The following SLC25A26 variants were observed in gnomAD, a reference collection of about 807,000 sequenced individuals.
The protein encoded by SLC25A26 is solute carrier family 25 member 26.
In SLC25A26, 36 loss-of-function variants were observed where a neutral mutation model predicts 37.8. The ratio of observed to expected loss-of-function variants is 0.95; its 90% CI spans 0.73 to 1.26. The LOEUF is 1.26. SLC25A26 is among the 50% of genes most tolerant of loss of function. SLC25A26 has a pLI of 0.00. For synonymous variants in SLC25A26, 129 were observed against 122.5 expected, an observed-to-expected ratio of 1.05 and a Z score of -0.35; for missense variants, 390 against 331.1, an observed-to-expected ratio of 1.18 and a Z score of -1.38.
At chr3:66,282,112 C>A (rs991864470) in intron 5 of SLC25A26, among the ~76,000 whole-genome samples, 1 of 149,164 alleles carries the variant, frequency 6.7e-6, no homozygotes, top group Non-Finnish European at 1.5e-5. Context: ...CCCAGGTTCA[C>A]GCCATTCTCC....
At chr3:66,355,761 C>G (rs1180722381) in intron 6 of SLC25A26, among the ~76,000 whole-genome samples, 11 of 152,208 alleles carry the variant, frequency 7.2e-5, no homozygotes, top group Admixed American at 7.2e-4. Context: ...GCTTGATCAA[C>G]TACAGTATGG....
At chr3:66,178,395 G>A (rs769218489) in intron 1 of SLC25A26, among the ~76,000 whole-genome samples, 79 of 152,292 alleles carry the variant, frequency 5.2e-4, no homozygotes, top group Non-Finnish European at 1.0e-3. Flanking sequence ...GCAGATGAAG[G>A]TTCCATCCCC....
intron 1 of SLC25A26, among the ~76,000 whole-genome samples, chr3:66,202,036 A>G (rs897306900): frequency 9.9e-5 from 15 of 152,230 alleles, no homozygotes; most frequent in Non-Finnish European, 1.9e-4. Flanking sequence ...AGGATTATAA[A>G]TCATTCTACT....
intron 6 of SLC25A26, among the ~76,000 whole-genome samples, chr3:66,351,450 G>A (rs1197649194): frequency 6.6e-6 from 1 of 152,182 alleles, no homozygotes; most frequent in African/African-American, 2.4e-5. Flanking sequence ...CCAACAAGAA[G>A]AGAAGCATGA....
At chr3:66,206,235 G>A (rs926504022) in intron 1 of SLC25A26, among the ~76,000 whole-genome samples, 1 of 152,136 alleles carries the variant, frequency 6.6e-6, no homozygotes, top group Non-Finnish European at 1.5e-5. Context: ...GTCAATGCAG[G>A]CGAGCCAAGC....
At chr3:66,351,299 T>TA (rs2076447811) in intron 6 of SLC25A26, among the ~76,000 whole-genome samples, 1 of 152,190 alleles carries the variant, frequency 6.6e-6, no homozygotes, top group Admixed American at 6.5e-5. Context: ...TACATATGCT[T>TA]ACAAAAGTAT....
At chr3:66,141,242 A>G (rs922420688) in intron 1 of SLC25A26, among the ~76,000 whole-genome samples, 6 of 151,228 alleles carry the variant, frequency 4.0e-5, no homozygotes, top group African/African-American at 1.5e-4. Context: ...AATTACATGT[A>G]CATCTTCAAT....
chr3:66,369,504 C>T lies in SLC25A26; in HGVS notation c.595C>T (p.Pro199Ser). The T allele has an allele frequency of 6.2e-7, 1 of 1,605,266 alleles. No individual in the cohort carries two copies. Among genetic ancestry groups the T allele is most frequent in the Non-Finnish European group, 8.5e-7 (1 of 1,176,018 alleles). The change falls in exon 8 of 10, where the codon CCT becomes TCT. Residue 199 changes from proline (P) to serine (S), a missense_variant. Pro to Ser is a moderately conservative substitution (Grantham distance 74). Coordinates refer to ENST00000354883, the MANE Select transcript of SLC25A26 (RefSeq NM_001379210.1). ...AGGFAAAVTT[P>S]LDVAKTRITL... ...TGGATTTGCCGCTGCAGTCACCACC[C>T]CTCTAGACGTGGCAAAGACAAGAAT...
At chr3:66,263,438 A>G in intron 5 of SLC25A26, 59 bp downstream of exon 5, 1 of 1,028,394 alleles carries the variant, frequency 9.7e-7, no homozygotes, top group Admixed American at 2.0e-5. Context: ...TGTTCAGTAA[A>G]TTTATACTAC....
chr3:66,294,271 G>C (rs1399590240), intron 5 of SLC25A26, among the ~76,000 whole-genome samples: 1 of 151,982 alleles, frequency 6.6e-6, no homozygotes, highest in Non-Finnish European at 1.5e-5. Flanking sequence ...TAGGTATTTT[G>C]TTCTTTTTGT....
chr3:66,300,138 T>A (rs2075029711), intron 5 of SLC25A26, among the ~76,000 whole-genome samples: 1 of 152,154 alleles, frequency 6.6e-6, no homozygotes, highest in African/African-American at 2.4e-5. Context: ...TTTTCATCCA[T>A]TCATGCTGAT....
intron 1 of SLC25A26, among the ~76,000 whole-genome samples, chr3:66,138,939 C>CTTTTTT (rs2069992015): frequency 6.6e-6 from 1 of 152,084 alleles, no homozygotes; most frequent in Non-Finnish European, 1.5e-5. Flanking sequence ...TTTTGAGATT[C>CTTTTTT]TTTTTTATAA....
chr3:66,250,404 C>G (rs187063994), intron 3 of SLC25A26, among the ~76,000 whole-genome samples: 1 of 152,172 alleles, frequency 6.6e-6, no homozygotes, highest in Non-Finnish European at 1.5e-5. Context: ...CCGTGACTTA[C>G]GATGGTTCTA....
exon 1 of SLC25A26, chr3:66,133,780 G>C (rs544324142): frequency 6.6e-6 from 1 of 152,324 alleles, no homozygotes; most frequent in Non-Finnish European, 1.5e-5. Flanking sequence ...GCAAGGCCAT[G>C]AGTTGAAAGC....
At position 66,176,126 on chromosome 3, in the gene SLC25A26, C is replaced by T. The variant is rs183059931; in HGVS notation, c.-354+42142C>T. On this transcript the variant is annotated intron_variant, in intron 1 of 10. Transcript: ENST00000676754. ...TTTGAAAAAACACACCTGGCTAATG[C>T]TTTTAATCTTGAAATTGGTACCCTA... 6.1e-3 allele frequency among the ~76,000 whole-genome samples: 931 copies of T among 152,244 alleles called. 5 individuals carry two copies. The highest frequency in any genetic ancestry group is 9.6e-3 in the Non-Finnish European group (654 of 68,016).
Position 66,204,556 on chromosome 3 carries a change from T to G in SLC25A26, c.-353-16186T>G, listed in dbSNP as rs1044607309. Among the ~76,000 whole-genome samples, 937 of 152,206 alleles carry G rather than the reference T, an allele frequency of 6.2e-3. 7 individuals carry two copies. Among genetic ancestry groups the G allele is most frequent in the East Asian group, 0.048 (248 of 5,190 alleles). ...ACTCCTGGAGGTTTATCCTTTCGGA[T>G]TTTCAGTTTTCTGTTTTAAAAGCAT... On this transcript the variant is annotated intron_variant, in intron 1 of 10. Transcript: ENST00000676754.
Position 66,261,952 on chromosome 3 carries a change from A to T in SLC25A26, c.301-99A>T, listed in dbSNP as rs2073545326. On this transcript the variant is annotated intron_variant, in intron 3 of 9. Transcript: ENST00000354883. ...CTTTTTGACATCTTGCAGTAAGCCT[A>T]CATATTATACCTTTTTACTACAATT... 3 of 683,248 alleles carry T rather than the reference A, an allele frequency of 4.4e-6. No individual in the cohort carries two copies. In the Admixed American group the frequency reaches 8.6e-5, roughly 20 times the overall value. The allele number at this position is 683,248 out of a possible 1,614,324, so 42.3% of individuals were successfully genotyped here. A position where few individuals can be genotyped will look rare whatever the true frequency, so the allele number is the denominator to read the frequency against.
intron 5 of SLC25A26, among the ~76,000 whole-genome samples, chr3:66,322,697 T>C (rs1364501243): frequency 6.6e-6 from 1 of 152,216 alleles, no homozygotes; most frequent in East Asian, 1.9e-4. Flanking sequence ...AATTTGAAGT[T>C]TTGTACATAT....
At chr3:66,176,324 T>C (rs1399827268) in intron 1 of SLC25A26, among the ~76,000 whole-genome samples, 1 of 152,220 alleles carries the variant, frequency 6.6e-6, no homozygotes. Context: ...TGAGATGTTA[T>C]ATAAGCATAA....
Sources: gnomAD v4.1 joint callset for allele counts (sites outside exome capture counted in the v4.1 genomes callset) on GRCh38, gnomAD v4.1.1 for gene constraint, MANE v1.5 for transcripts, NCBI Gene and HGNC (gene_info 2026-07-23, HGNC 2026-07-21) for gene names.